RBFOX1: variants seen among roughly 807,000 people sequenced by gnomAD.
RBFOX1 encodes RNA binding fox-1 homolog 1.
Under a neutral mutation model 57.7 loss-of-function variants are expected in RBFOX1, and 8 were observed. That is an observed-to-expected ratio of 0.14 (90% confidence interval 0.08 to 0.25). RBFOX1 has a LOEUF of 0.25. Ranked by LOEUF, RBFOX1 falls within the 10% of genes least tolerant of loss-of-function variation. The pLI is 1.00. For synonymous variants in RBFOX1, 326 were observed against 222.4 expected, an observed-to-expected ratio of 1.47 and a Z score of -4.15; for missense variants, 611 against 548.5, an observed-to-expected ratio of 1.11 and a Z score of -1.14.
intron 4 of RBFOX1, among the ~76,000 whole-genome samples, chr16:7,068,278 C>G (rs2056582037): frequency 6.6e-6 from 1 of 152,118 alleles, no homozygotes; most frequent in African/African-American, 2.4e-5. Context: ...TGTAGTATCC[C>G]CACTCTAAGT....
intron 3 of RBFOX1, among the ~76,000 whole-genome samples, chr16:6,993,330 G>A (rs1274524115): frequency 6.6e-6 from 1 of 152,174 alleles, no homozygotes; most frequent in East Asian, 1.9e-4. Flanking sequence ...TAACACATCA[G>A]TAGTATTAAA....
At chr16:6,385,205 C>G (rs1339599775) in intron 2 of RBFOX1, among the ~76,000 whole-genome samples, 2 of 152,160 alleles carry the variant, frequency 1.3e-5, no homozygotes, top group Non-Finnish European at 2.9e-5. Context: ...TTGAGCCAAG[C>G]TTTTTCGTAT....
chr16:7,437,334 C>G (rs950445550), intron 4 of RBFOX1, among the ~76,000 whole-genome samples: 7 of 150,428 alleles, frequency 4.7e-5, no homozygotes, highest in African/African-American at 1.5e-4. Flanking sequence ...GGGAGGAGTA[C>G]TTGTCCATCA....
At chr16:5,880,174 A>C (rs1364824646) in intron 4 of RBFOX1, among the ~76,000 whole-genome samples, 1 of 152,178 alleles carries the variant, frequency 6.6e-6, no homozygotes, top group African/African-American at 2.4e-5. Flanking sequence ...CTGCAGTGTC[A>C]GTCTTTCCGT....
At chr16:6,120,558 G>C (rs2096541613) in intron 1 of RBFOX1, among the ~76,000 whole-genome samples, 1 of 152,064 alleles carries the variant, frequency 6.6e-6, no homozygotes. Context: ...GGGTTTTATA[G>C]GTACACTGGT....
chr16:7,471,892 A>G (rs963920141), intron 4 of RBFOX1, among the ~76,000 whole-genome samples: 1 of 152,172 alleles, frequency 6.6e-6, no homozygotes, highest in Non-Finnish European at 1.5e-5. Context: ...CCTTCATTCT[A>G]TGCCATTTCC....
At chr16:7,530,298 C>A (rs561042890) in intron 5 of RBFOX1, among the ~76,000 whole-genome samples, 1 of 152,126 alleles carries the variant, frequency 6.6e-6, no homozygotes, top group Non-Finnish European at 1.5e-5. Context: ...CTGTCCATCT[C>A]CTGGATTCTA....
intron 3 of RBFOX1, among the ~76,000 whole-genome samples, chr16:6,902,160 C>G (rs556350300): frequency 6.0e-4 from 92 of 152,186 alleles, no homozygotes; most frequent in Middle Eastern, 3.4e-3. Context: ...CTTTTCGTAC[C>G]TGGGATATTC....
chr16:5,419,715 T>G (rs1275571872), intron 1 of RBFOX1, among the ~76,000 whole-genome samples: 1 of 151,960 alleles, frequency 6.6e-6, no homozygotes, highest in African/African-American at 2.4e-5. Flanking sequence ...CCAGTGAGCC[T>G]CATCTGAACA....
chr16:6,465,383 C>G (rs893583249), intron 2 of RBFOX1, among the ~76,000 whole-genome samples: 1 of 152,072 alleles, frequency 6.6e-6, no homozygotes, highest in African/African-American at 2.4e-5. Context: ...CTGTAAGAGT[C>G]AAGAAAATAA....
chr16:7,037,377 G>A (rs1380932866), intron 3 of RBFOX1, among the ~76,000 whole-genome samples: 1 of 151,720 alleles, frequency 6.6e-6, no homozygotes, highest in Non-Finnish European at 1.5e-5. Flanking sequence ...AAGTAGCTGG[G>A]ATTATAGGCA....
At chr16:7,222,365 A>C (rs1391491173) in intron 4 of RBFOX1, among the ~76,000 whole-genome samples, 1 of 152,354 alleles carries the variant, frequency 6.6e-6, no homozygotes, top group African/African-American at 2.4e-5. Context: ...GTCAGTTCCA[A>C]TTATGAATAC....
chr16:6,334,684 C>T (rs1254896624), intron 2 of RBFOX1, among the ~76,000 whole-genome samples: 1 of 152,120 alleles, frequency 6.6e-6, no homozygotes, highest in African/African-American at 2.4e-5. Context: ...TAGATTTCTT[C>T]TTGCTTGCCA....
At chr16:6,463,351 AT>A (rs1178689898) in intron 2 of RBFOX1, among the ~76,000 whole-genome samples, 1 of 152,096 alleles carries the variant, frequency 6.6e-6, no homozygotes, top group African/African-American at 2.4e-5. Flanking sequence ...CAGGTCAACT[AT>A]TTATTTGCTG....
chr16:5,608,252 C>A (rs147457497), intron 3 of RBFOX1, among the ~76,000 whole-genome samples: 2,746 of 152,246 alleles, frequency 0.018, 80 homozygotes, highest in African/African-American at 0.061. Flanking sequence ...CACTTTGAGT[C>A]TCAGCTGACT....
intron 4 of RBFOX1, among the ~76,000 whole-genome samples, chr16:7,131,364 T>TAAAAAAA (rs35050100): frequency 1.2e-5 from 1 of 83,306 alleles, no homozygotes; most frequent in Non-Finnish European, 2.6e-5. Flanking sequence ...TTTTTTTTTT[T>TAAAAAAA]AAAAAAAAAA....
At chr16:7,419,681 C>G (rs891390943) in intron 4 of RBFOX1, among the ~76,000 whole-genome samples, 1 of 152,198 alleles carries the variant, frequency 6.6e-6, no homozygotes, top group African/African-American at 2.4e-5. Flanking sequence ...AATTGACTTG[C>G]TCTCCCGACC....
At chr16:7,649,936 T>C (rs1219533607) in intron 11 of RBFOX1, among the ~76,000 whole-genome samples, 3 of 146,536 alleles carry the variant, frequency 2.0e-5, no homozygotes, top group Non-Finnish European at 4.5e-5. Flanking sequence ...CAGGAATTAA[T>C]AAAGAAATGA....
intron 3 of RBFOX1, among the ~76,000 whole-genome samples, chr16:5,747,910 C>T (rs1340807481): frequency 2.0e-5 from 3 of 152,094 alleles, no homozygotes; most frequent in Non-Finnish European, 4.4e-5. Flanking sequence ...TTCTTGCCTT[C>T]TGCTAGCTTT....
Sources: allele counts gnomAD v4.1 joint callset (sites outside exome capture counted in the v4.1 genomes callset), GRCh38; gene constraint gnomAD v4.1.1; transcripts MANE v1.5; gene names NCBI Gene and HGNC (gene_info 2026-07-23, HGNC 2026-07-21).